Variants in DDX11 observed in about 807,000 individuals in gnomAD.
DDX11 encodes ATP-dependent DNA helicase DDX11.
Under a neutral mutation model 125.2 loss-of-function variants are expected in DDX11, and 72 were observed. That is an observed-to-expected ratio of 0.58 (90% CI 0.48 to 0.70). The LOEUF (loss-of-function observed/expected upper bound fraction) is 0.70, where lower values mean the gene tolerates loss of function less well. DDX11 is among the 30% of genes least tolerant of loss of function. The pLI is 0.00. For synonymous variants in DDX11, 347 were observed against 452.6 expected, an observed-to-expected ratio of 0.77 and a Z score of 2.96; for missense variants, 883 against 1,165.0, an observed-to-expected ratio of 0.76 and a Z score of 3.52.
intron 1 of DDX11, among the ~76,000 whole-genome samples, chr12:31,077,622 C>A (rs1592556260): frequency 6.6e-6 from 1 of 151,864 alleles, no homozygotes; most frequent in African/African-American, 2.4e-5. Context: ...CCAAGGCGGG[C>A]GGATCACGAG....
intron 5 of DDX11, among the ~76,000 whole-genome samples, chr12:31,085,664 C>T (rs890551448): frequency 2.0e-5 from 3 of 152,236 alleles, no homozygotes; most frequent in Admixed American, 6.5e-5. Flanking sequence ...CAGGCCATTT[C>T]GGGCCCACAG....
At chr12:31,098,152 A>G (rs1166585100) in intron 18 of DDX11, among the ~76,000 whole-genome samples, 155 bp downstream of exon 18, 1 of 152,060 alleles carries the variant, frequency 6.6e-6, no homozygotes, top group African/African-American at 2.4e-5. Flanking sequence ...TGACACTGCT[A>G]TTCTCTCACT....
In DDX11 at chr12:31,083,891, C is replaced by T. The variant is rs781413815; in HGVS notation, c.223C>T (p.Arg75Ter). ...ACAGAAGAAGCGTGAAGAAGAGGCA[C>T]GACTCCTTGAAACTGGAACTGGCCC... ...FEQKKREEEA[R>*]LLETGTGPLH... The change falls in exon 3 of 27, where the codon CGA (arginine) becomes TGA (stop). Residue 75 changes from arginine to a stop codon, truncating the protein, a stop_gained. Coordinates refer to ENST00000542838, the MANE Select transcript of DDX11 (RefSeq NM_030653.4). LOFTEE classifies it high-confidence loss of function. 9.9e-6 allele frequency: 16 copies of T among 1,613,400 alleles called. No homozygotes were observed. Among genetic ancestry groups the T allele is most frequent in the South Asian group, 9.9e-5 (9 of 91,048 alleles).
At chr12:31,101,178 A>G (rs750722438) in intron 20 of DDX11, 48 bp downstream of exon 20, 4 of 1,570,332 alleles carry the variant, frequency 2.5e-6, no homozygotes, top group Non-Finnish European at 3.5e-6. Context: ...TCAGGCAGCA[A>G]AGGGTTTTCT....
Position 31,093,480 on chromosome 12 carries a change from C to T in DDX11, c.1369+156C>T, listed in dbSNP as rs1240297311. On this transcript the variant is annotated intron_variant, in intron 12 of 26. Transcript: ENST00000542838. ...CCTGTAATCCCAGCACTTGGGAGGC[C>T]GAGGCAGGTGGTTCACCTGAGGTTA... The T allele has an allele frequency of 2.4e-4, 235 of 963,182 alleles. 1 individual carries two copies. Among genetic ancestry groups the T allele is most frequent in the South Asian group, 7.0e-5 (5 of 71,868 alleles). The allele number at this position is 963,182 out of a possible 1,614,324, so 59.7% of individuals were successfully genotyped here.
intron 14 of DDX11, among the ~76,000 whole-genome samples, chr12:31,095,866 G>T (rs1311979638): frequency 1.3e-5 from 2 of 152,014 alleles, no homozygotes; most frequent in African/African-American, 2.4e-5. Flanking sequence ...TTTAGAAACC[G>T]GTTTAAAGGC....
At chr12:31,084,404 G>A (rs1942636850) in intron 3 of DDX11, among the ~76,000 whole-genome samples, 179 bp from the exon 4 acceptor site, 1 of 152,246 alleles carries the variant, frequency 6.6e-6, no homozygotes, top group South Asian at 2.1e-4. Flanking sequence ...GCAGTGAGCA[G>A]CGAGGCTGGG....
chr12:31,078,012 G>T, intron 1 of DDX11: 1 of 369,708 alleles, frequency 2.7e-6, no homozygotes. Context: ...CGTGGGAGAA[G>T]AAAGCTGCAA....
intron 12 of DDX11, chr12:31,094,285 C>T (rs1190190217): frequency 5.2e-6 from 2 of 387,932 alleles, no homozygotes; most frequent in Non-Finnish European, 5.0e-6. Flanking sequence ...CTCCTCTGTG[C>T]TCCGGTGCCC....
chr12:31,098,116 G>T (rs1309680572), intron 18 of DDX11, 119 bp downstream of exon 18: 1 of 666,266 alleles, frequency 1.5e-6, no homozygotes, highest in South Asian at 1.6e-5. Context: ...GGGTCAGCTC[G>T]AGCAGGCCCA....
intron 4 of DDX11, 116 bp from the exon 5 acceptor site, chr12:31,084,853 C>G (rs766231120): frequency 7.4e-7 from 1 of 1,352,496 alleles, no homozygotes; most frequent in Non-Finnish European, 1.0e-6. Context: ...TCTCTCCAGC[C>G]AGGCAGCCAG....
chr12:31,097,247 G>A (rs1176126704), intron 17 of DDX11, among the ~76,000 whole-genome samples: 1 of 151,538 alleles, frequency 6.6e-6, no homozygotes, highest in Non-Finnish European at 1.5e-5. Flanking sequence ...GAGCTGGGAT[G>A]GGGGTCCTCT....
rs549481531 is a variant in DDX11 at position 31,089,460 on chromosome 12, C to T, written c.850C>T (p.Arg284Cys). ...SLGSVQLIND[R>C]CVDMQRSRHE... ...AGGTTCTGTGCAGCTTATCAACGAC[C>T]GCTGTGTGGACATGCAGAGAAGCAG... The change falls in exon 8 of 27, where the codon CGC (arginine) becomes TGC (cysteine). Residue 284 changes from arginine to cysteine, a missense_variant. Around this residue, in one of 5 missense-constraint regions of DDX11, gnomAD observed 283 missense variants for 359.6 expected, o/e 0.79. Transcript: ENST00000542838. The T allele has an allele frequency of 7.4e-6, 12 of 1,613,924 alleles. No individual in the cohort carries two copies. The highest frequency in any genetic ancestry group is 1.7e-4 in the Middle Eastern group (1 of 6,056).
Position 31,096,852 on chromosome 12 carries a change from T to C in DDX11, c.1631-7T>C. 6.2e-7 allele frequency: 1 copy of C among 1,614,196 alleles called. No homozygotes were observed. The highest frequency in any genetic ancestry group is 8.5e-7 in the Non-Finnish European group (1 of 1,180,044). ...GGGAGGCCTCCTCCCCGTTCTGCTC[T>C]GTGCAGCTCTTGCAGCCCCTGCAGA... On this transcript the variant is annotated splice_polypyrimidine_tract_variant and splice_region_variant and intron_variant, in intron 16 of 26. Transcript: ENST00000542838.
intron 2 of DDX11, among the ~76,000 whole-genome samples, chr12:31,079,476 A>C (rs1390260593): frequency 1.4e-5 from 2 of 139,026 alleles, no homozygotes; most frequent in African/African-American, 2.8e-5. Context: ...CCTGGCTTGC[A>C]GATGGCTGCG....
chr12:31,086,060 C>T (rs970436073), intron 5 of DDX11: 1 of 454,326 alleles, frequency 2.2e-6, no homozygotes, highest in African/African-American at 2.0e-5. Context: ...CGCCATCCAC[C>T]AGACGCCAGC....
chr12:31,092,824 C>T (rs1944470847), intron 10 of DDX11, 22 bp from the exon 11 acceptor site: 1 of 1,613,096 alleles, frequency 6.2e-7, no homozygotes, highest in Non-Finnish European at 8.5e-7. Flanking sequence ...TGCTCAGAGC[C>T]TGGTTTGTGT....
chr12:31,091,378 C>T lies in DDX11; in HGVS notation c.1090-341C>T, dbSNP rs535292739. ...CAGCTCCAGGAGTAGAAGCTGGGGCCGCTTCCTGGTGCACCGATGGTCTGC... is the reference window on the plus strand; with the variant it reads ...CAGCTCCAGGAGTAGAAGCTGGGGCTGCTTCCTGGTGCACCGATGGTCTGC... On this transcript the variant is annotated intron_variant, in intron 9 of 26. Transcript: ENST00000542838. 134 of 237,034 alleles carry T rather than the reference C, an allele frequency of 5.7e-4. 1 individual carries two copies. The highest frequency in any genetic ancestry group is 2.9e-3 in the African/African-American group (124 of 42,788). The allele number at this position is 237,034 out of a possible 1,614,324, so 14.7% of individuals were successfully genotyped here. A position where few individuals can be genotyped will look rare whatever the true frequency, so the allele number is the denominator to read the frequency against.
At chr12:31,099,414 GTTTACTTGACCTTTTA>G (rs60429105) in intron 18 of DDX11, among the ~76,000 whole-genome samples, 71,283 of 149,466 alleles carry the variant, frequency 0.48, 13,762 homozygotes, top group East Asian at 0.7. Flanking sequence ...CAAAGGATTT[GTTTACTTGACCTTTTA>G]TTGTACCTCT....
Sources: allele counts gnomAD v4.1 joint callset (sites outside exome capture counted in the v4.1 genomes callset), GRCh38; gene constraint gnomAD v4.1.1; regional missense constraint gnomAD v4.1.1; transcripts MANE v1.5; gene names NCBI Gene and HGNC (gene_info 2026-07-23, HGNC 2026-07-21).